USH2A: variants seen among roughly 807,000 people sequenced by gnomAD.
USH2A encodes Usher syndrome 2A (autosomal recessive, mild).
Under a neutral mutation model 538.9 loss-of-function variants are expected in USH2A, and 443 were observed. The ratio of observed to expected loss-of-function variants is 0.82; its 90% CI spans 0.76 to 0.89. USH2A has a LOEUF of 0.89. Among genes scored for constraint, USH2A ranks in the 40% least tolerant of loss-of-function variants. USH2A has a pLI of 0.00. For synonymous variants in USH2A, 2,413 were observed against 2,273.5 expected (o/e 1.06, Z -1.75); for missense variants, 6,633 against 6,324.8 (o/e 1.05, Z -1.65).
At chr1:216,354,053 T>A (rs531799676) in intron 4 of USH2A, among the ~76,000 whole-genome samples, 10 of 152,208 alleles carry the variant, frequency 6.6e-5, no homozygotes, top group African/African-American at 2.4e-4. Flanking sequence ...CATATTAGAA[T>A]TCTAAGGAGG....
intron 21 of USH2A, among the ~76,000 whole-genome samples, chr1:216,145,468 T>A (rs979230190): frequency 3.3e-5 from 5 of 152,216 alleles, no homozygotes; most frequent in African/African-American, 4.8e-5. Context: ...TAAGGCTTAA[T>A]TCAGTATTTT....
At chr1:215,657,884 G>A (rs1480516405) in intron 64 of USH2A, among the ~76,000 whole-genome samples, 1 of 151,498 alleles carries the variant, frequency 6.6e-6, no homozygotes, top group African/African-American at 2.4e-5. Context: ...ACCTGAAGAA[G>A]GAAAAACTGA....
chr1:215,743,115 G>T (rs1660352023), intron 59 of USH2A, 62 bp downstream of exon 59: 1 of 1,576,764 alleles, frequency 6.3e-7, no homozygotes, highest in Non-Finnish European at 8.7e-7. Context: ...CCTTTTTAAT[G>T]AAATTTTTTA....
chr1:215,800,356 CAT>C (rs1367716995), intron 49 of USH2A, among the ~76,000 whole-genome samples: 2 of 152,276 alleles, frequency 1.3e-5, no homozygotes, highest in East Asian at 1.9e-4. Flanking sequence ...CTTTCTTGAA[CAT>C]ATCTTTTCCC....
intron 61 of USH2A, among the ~76,000 whole-genome samples, chr1:215,693,010 C>T (rs1475307666): frequency 6.6e-6 from 1 of 151,008 alleles, no homozygotes; most frequent in African/African-American, 2.4e-5. Flanking sequence ...CTCAAACAAT[C>T]CTCCCACCTC....
In USH2A at chr1:216,084,744, C is replaced by T. The variant is rs776956883; in HGVS notation, c.5121G>A (p.Glu1707=). The T allele has an allele frequency of 1.2e-6, 2 of 1,613,458 alleles. No homozygotes were observed. Among genetic ancestry groups the T allele is most frequent in the African/African-American group, 1.3e-5 (1 of 74,982 alleles). The change falls in exon 25 of 72, where the codon GAG becomes GAA. Residue 1707 remains glutamate (E), a synonymous_variant. Coordinates refer to ENST00000307340, the MANE Select transcript of USH2A (RefSeq NM_206933.4). ...CCTCATTTAATGAAGCGGGACATCCCTCCCAGCTGTTATACACGTTGATTT... is the reference window on the plus strand; with the variant it reads ...CCTCATTTAATGAAGCGGGACATCCTTCCCAGCTGTTATACACGTTGATTT... ...EEQINVYNSW[E]GCPASLNEGA... is the part of the protein sequence containing the mutation.
chr1:216,270,660 C>A (rs1441333737), intron 11 of USH2A, among the ~76,000 whole-genome samples: 1 of 152,036 alleles, frequency 6.6e-6, no homozygotes, highest in Non-Finnish European at 1.5e-5. Context: ...GTCTGTTCCT[C>A]TCCCTAATCC....
chr1:216,115,507 T>C (rs1357947504), intron 21 of USH2A, among the ~76,000 whole-genome samples: 9 of 152,170 alleles, frequency 5.9e-5, no homozygotes, highest in Non-Finnish European at 1.3e-4. Context: ...TATATGAAAG[T>C]ACATTATAAA....
In USH2A at chr1:215,999,020, C is replaced by T. The variant is rs140845899; in HGVS notation, c.6524G>A (p.Arg2175His). The change falls in exon 34 of 72, where the codon CGC becomes CAC. Residue 2175 changes from arginine to histidine, a missense_variant. Arg to His is a conservative substitution (Grantham distance 29, BLOSUM62 0). Coordinates refer to ENST00000307340, the MANE Select transcript of USH2A (RefSeq NM_206933.4). Reference protein sequence around the residue: ...QPRKISGILERYVLYMSNHTH... With the variant: ...QPRKISGILEHYVLYMSNHTH... ...ATGGTTTGACATATATAATACATAG[C>T]GTTCCAGAATCCCACTTATTTTTCT... 1.4e-4 allele frequency: 224 copies of T among 1,612,296 alleles called. No individual in the cohort carries two copies. The East Asian group carries it at 2.1e-3, about 15-fold the overall frequency.
At chr1:215,843,667 A>T (rs1158615869) in intron 46 of USH2A, among the ~76,000 whole-genome samples, 1 of 152,192 alleles carries the variant, frequency 6.6e-6, no homozygotes, top group Non-Finnish European at 1.5e-5. Flanking sequence ...TTGCTCTCAC[A>T]TATGCGGAGA....
chr1:216,274,862 T>C (rs2102586235), intron 11 of USH2A, among the ~76,000 whole-genome samples: 1 of 152,262 alleles, frequency 6.6e-6, no homozygotes, highest in Non-Finnish European at 1.5e-5. Flanking sequence ...CCAAAAGGCA[T>C]TTCCAAGAAA....
At chr1:216,293,673 C>T (rs1347293083) in intron 9 of USH2A, among the ~76,000 whole-genome samples, 2 of 152,188 alleles carry the variant, frequency 1.3e-5, no homozygotes, top group African/African-American at 2.4e-5. Flanking sequence ...AATTCCTCTT[C>T]TTTTTTGAAT....
At chr1:216,323,894 C>T (rs1571701721) in intron 7 of USH2A, among the ~76,000 whole-genome samples, 199 bp from the exon 8 acceptor site, 1 of 152,054 alleles carries the variant, frequency 6.6e-6, no homozygotes, top group Admixed American at 6.6e-5. Flanking sequence ...TCCTTGAAAA[C>T]ATAATGAAAA....
At chr1:215,783,288 C>T (rs1357176627) in intron 52 of USH2A, among the ~76,000 whole-genome samples, 3 of 152,248 alleles carry the variant, frequency 2.0e-5, no homozygotes, top group Middle Eastern at 3.4e-3. Context: ...GGTTTGGCAA[C>T]ATTCTTTTAT....
intron 11 of USH2A, among the ~76,000 whole-genome samples, chr1:216,277,086 A>AAGGATGCCCAGT (rs1472990687): frequency 6.6e-6 from 1 of 152,040 alleles, no homozygotes; most frequent in Admixed American, 6.6e-5. Flanking sequence ...TTTAATCATA[A>AAGGATGCCCAGT]CTCCAGGAAA....
At chr1:216,095,613 T>A (rs1006887206) in intron 22 of USH2A, among the ~76,000 whole-genome samples, 3 of 152,184 alleles carry the variant, frequency 2.0e-5, no homozygotes, top group Admixed American at 6.5e-5. Flanking sequence ...TCTGAGGACC[T>A]GCTGTGCACC....
At chr1:216,292,442 GC>G in intron 9 of USH2A, 72 bp from the exon 10 acceptor site, 1 of 1,496,818 alleles carries the variant, frequency 6.7e-7, no homozygotes, top group Non-Finnish European at 9.1e-7. Flanking sequence ...GATATGTTAG[GC>G]CTTTCACCAG....
intron 54 of USH2A, 68 bp from the exon 55 acceptor site, chr1:215,780,109 G>A (rs1571679473): frequency 6.4e-7 from 1 of 1,552,174 alleles, no homozygotes; most frequent in Non-Finnish European, 8.8e-7. Context: ...CAATGAGAAT[G>A]TCACTTTTGT....
chr1:216,090,719 T>C (rs2032279766), intron 22 of USH2A, among the ~76,000 whole-genome samples: 2 of 152,176 alleles, frequency 1.3e-5, no homozygotes, highest in African/African-American at 2.4e-5. Context: ...CCAATTAATG[T>C]GCCCTGGTAG....
Sources: allele counts gnomAD v4.1 joint callset (sites outside exome capture counted in the v4.1 genomes callset), GRCh38; gene constraint gnomAD v4.1.1; transcripts MANE v1.5; gene names NCBI Gene and HGNC (gene_info 2026-07-23, HGNC 2026-07-21).